The following NTRK3 variants were observed in gnomAD, a reference collection of about 807,000 sequenced individuals.
NTRK3 encodes NT-3 growth factor receptor.
A neutral mutation model predicts 91.7 loss-of-function variants in NTRK3; 24 were observed. The ratio of observed to expected loss-of-function variants is 0.26; its 90% CI spans 0.19 to 0.37. The LOEUF (loss-of-function observed/expected upper bound fraction) is 0.37. Ranked by LOEUF, NTRK3 falls within the 10% of genes least tolerant of loss-of-function variation. The pLI, the probability that NTRK3 is intolerant of heterozygous loss-of-function variation, is 1.00. For missense variants in NTRK3, 880 were observed against 1,068.9 expected (o/e 0.82, Z 2.46); for synonymous variants, 483 against 404.0 (o/e 1.20, Z -2.34).
intron 11 of NTRK3, among the ~76,000 whole-genome samples, chr15:88,128,201 C>A (rs1312819424): frequency 2.6e-5 from 4 of 152,170 alleles, no homozygotes; most frequent in Non-Finnish European, 5.9e-5. Context: ...AGCCCTAGCC[C>A]CAAATCACTT....
intron 3 of NTRK3, among the ~76,000 whole-genome samples, chr15:88,227,530 A>G (rs1291257288): frequency 6.6e-6 from 1 of 152,162 alleles, no homozygotes; most frequent in Non-Finnish European, 1.5e-5. Context: ...AAGGATGACC[A>G]GGTGAAGGGG....
intron 17 of NTRK3, among the ~76,000 whole-genome samples, chr15:87,897,751 A>G (rs934444739): frequency 4.6e-5 from 7 of 152,240 alleles, no homozygotes; most frequent in Admixed American, 1.3e-4. Context: ...AAAATAAGAT[A>G]ATTTCTTTCA....
chr15:87,984,600 T>C (rs1232676485), intron 14 of NTRK3, among the ~76,000 whole-genome samples: 1 of 152,260 alleles, frequency 6.6e-6, no homozygotes, highest in Admixed American at 6.5e-5. Context: ...TACTCTGAGA[T>C]TGCAAACCTA....
rs1033187247 is a variant in NTRK3 at position 87,971,705 on chromosome 15, C to T, written c.1586-30952G>A. Among the ~76,000 whole-genome samples the T allele has an allele frequency of 1.8e-4, 27 of 152,320 alleles. 1 individual carries two copies. Among genetic ancestry groups the T allele is most frequent in the African/African-American group, 5.8e-4 (24 of 41,582 alleles). On this transcript the variant is annotated intron_variant, in intron 14 of 18. Transcript: ENST00000394480. ...CCCTCCATGTCATGAGCTCCCGACA[C>T]GCTCAAGAACCTAGCTGTGAGAGGT... is the stretch of plus-strand genomic sequence containing the variant.
At chr15:87,973,277 G>A (rs1378569908) in intron 14 of NTRK3, among the ~76,000 whole-genome samples, 3 of 152,140 alleles carry the variant, frequency 2.0e-5, no homozygotes, top group Non-Finnish European at 4.4e-5. Flanking sequence ...TAATTTCAAG[G>A]GAAACTGGGG....
At chr15:88,065,555 T>C (rs937038640) in intron 13 of NTRK3, among the ~76,000 whole-genome samples, 2 of 152,000 alleles carry the variant, frequency 1.3e-5, no homozygotes, top group African/African-American at 4.8e-5. Context: ...CCCCAGAATA[T>C]TGCTGGAGAA....
At chr15:88,192,928 C>G (rs1240692970) in intron 3 of NTRK3, among the ~76,000 whole-genome samples, 1 of 152,112 alleles carries the variant, frequency 6.6e-6, no homozygotes, top group East Asian at 1.9e-4. Context: ...CCTTCACAGC[C>G]CTTAATAACC....
intron 17 of NTRK3, among the ~76,000 whole-genome samples, chr15:87,888,199 C>T (rs2065655928): frequency 6.6e-6 from 1 of 152,062 alleles, no homozygotes; most frequent in Non-Finnish European, 1.5e-5. Context: ...GCTGAAAGTG[C>T]TCACGGGGAA....
intron 14 of NTRK3, among the ~76,000 whole-genome samples, chr15:87,990,763 T>C (rs2075225233): frequency 1.3e-5 from 2 of 152,190 alleles, no homozygotes; most frequent in Non-Finnish European, 2.9e-5. Context: ...TATATGTTTA[T>C]CTCTATCTTT....
chr15:87,933,047 T>C lies in NTRK3; in HGVS notation c.1854A>G (p.Glu618=), dbSNP rs749799363. ...TATTCAGGTCTCCATGCTTCATGTA[T>C]TCAAAGACCATGATGAGGGGGTCCC... The change falls in exon 16 of 19, where the codon GAA becomes GAG. Residue 618 remains glutamate, a synonymous_variant. Transcript: ENST00000394480. 23 of 1,613,990 alleles carry C rather than the reference T, an allele frequency of 1.4e-5. No homozygotes were observed. In the East Asian group the frequency reaches 4.9e-4, roughly 34 times the overall value.
chr15:88,073,933 T>C (rs1396490785), intron 13 of NTRK3, among the ~76,000 whole-genome samples: 5 of 152,198 alleles, frequency 3.3e-5, no homozygotes, highest in Admixed American at 6.5e-5. Context: ...TTTCTGGTAT[T>C]ATGTATTCCA....
intron 15 of NTRK3, among the ~76,000 whole-genome samples, chr15:87,938,340 C>T (rs1251214363): frequency 6.6e-6 from 1 of 152,140 alleles, no homozygotes; most frequent in African/African-American, 2.4e-5. Flanking sequence ...TATAAAATTA[C>T]TCTGCATCAA....
intron 5 of NTRK3, among the ~76,000 whole-genome samples, chr15:88,150,365 T>C (rs2043259631): frequency 6.6e-6 from 1 of 152,190 alleles, no homozygotes; most frequent in South Asian, 2.1e-4. Context: ...AATTGGATTC[T>C]GAAAGAAAGA....
chr15:88,093,368 G>A (rs1329043806), intron 13 of NTRK3, among the ~76,000 whole-genome samples: 1 of 152,236 alleles, frequency 6.6e-6, no homozygotes, highest in African/African-American at 2.4e-5. Context: ...CAATCTTAGG[G>A]TAGCATGATT....
At chr15:88,064,437 A>AT (rs1313335180) in intron 13 of NTRK3, among the ~76,000 whole-genome samples, 1 of 152,050 alleles carries the variant, frequency 6.6e-6, no homozygotes, top group Middle Eastern at 3.2e-3. Context: ...CAACCTCCAC[A>AT]TTCTCTACTG....
intron 13 of NTRK3, among the ~76,000 whole-genome samples, chr15:88,064,506 A>G (rs1382055184): frequency 6.6e-6 from 1 of 152,166 alleles, no homozygotes; most frequent in Non-Finnish European, 1.5e-5. Context: ...AGCCTCATCA[A>G]GTAGGTTCTA....
rs541711011 is a variant in NTRK3, at chr15:88,138,952, G to A, written c.465-1391C>T. Among the ~76,000 whole-genome samples, 5 of 152,272 alleles carry A rather than the reference G, an allele frequency of 3.3e-5. No homozygotes were observed. The South Asian group carries it at 1.0e-3, about 32-fold the overall frequency. ...AACGAGACTGACTGACTGTCCCTGGGGGAGTAGGTGGTTATCTATTTCCAA... is the reference window on the plus strand; with the variant it reads ...AACGAGACTGACTGACTGTCCCTGGAGGAGTAGGTGGTTATCTATTTCCAA... On this transcript the variant is annotated intron_variant, in intron 6 of 18. Coordinates refer to ENST00000394480, the Ensembl canonical transcript of NTRK3.
chr15:87,992,526 A>G (rs1467941349), intron 14 of NTRK3, among the ~76,000 whole-genome samples: 1 of 152,240 alleles, frequency 6.6e-6, no homozygotes, highest in East Asian at 1.9e-4. Flanking sequence ...GAAATGGTTC[A>G]TGGATTTATT....
At chr15:88,132,982 T>C (rs1023718459) in intron 10 of NTRK3, among the ~76,000 whole-genome samples, 1 of 152,006 alleles carries the variant, frequency 6.6e-6, no homozygotes, top group African/African-American at 2.4e-5. Context: ...AATTCCAGGG[T>C]AGTAGATTGC....
Sources: allele counts gnomAD v4.1 joint callset (sites outside exome capture counted in the v4.1 genomes callset), GRCh38; gene constraint gnomAD v4.1.1; transcripts MANE v1.5; gene names NCBI Gene and HGNC (gene_info 2026-07-23, HGNC 2026-07-21).